MECOM: variants seen among roughly 807,000 people sequenced by gnomAD.
The protein encoded by MECOM is MDS1 and EVI1 complex locus.
Under a neutral mutation model 116.3 loss-of-function variants are expected in MECOM, and 13 were observed. That is an observed-to-expected ratio of 0.11 (90% confidence interval 0.07 to 0.18). The LOEUF is 0.18. Among genes scored for constraint, MECOM ranks in the 10% least tolerant of loss-of-function variants. The pLI is 1.00. For missense variants in MECOM, 1,299 were observed against 1,509.0 expected (o/e 0.86, Z 2.31); for synonymous variants, 528 against 535.2 (o/e 0.99, Z 0.19).
chr3:169,169,473 A>G, intron 2 of MECOM, among the ~76,000 whole-genome samples: 1 of 152,216 alleles, frequency 6.6e-6, no homozygotes, highest in East Asian at 1.9e-4. Context: ...CTTTGCAGAC[A>G]TTCCAGAATC....
intron 2 of MECOM, chr3:169,145,127 G>T: frequency 2.3e-6 from 2 of 886,664 alleles, no homozygotes; most frequent in Non-Finnish European, 3.4e-6. Flanking sequence ...TCGAACATAA[G>T]ATAGGGATAT....
intron 2 of MECOM, among the ~76,000 whole-genome samples, chr3:169,313,516 G>A (rs1373858776): frequency 6.6e-6 from 1 of 152,298 alleles, no homozygotes; most frequent in East Asian, 1.9e-4. Context: ...GGGATCCCAT[G>A]TACATGGAAG....
intron 2 of MECOM, among the ~76,000 whole-genome samples, chr3:169,179,070 C>T (rs1745598919): frequency 1.3e-5 from 2 of 152,024 alleles, no homozygotes; most frequent in Admixed American, 1.3e-4. Context: ...GTTAAAAATC[C>T]CTTTAACATT....
intron 2 of MECOM, among the ~76,000 whole-genome samples, chr3:169,280,298 C>A (rs530900929): frequency 9.9e-5 from 15 of 152,118 alleles, no homozygotes; most frequent in Non-Finnish European, 1.9e-4. Context: ...TTGTGAAATC[C>A]AGGCAAATAT....
chr3:169,632,808 G>A (rs540158188), intron 1 of MECOM, among the ~76,000 whole-genome samples: 24 of 152,260 alleles, frequency 1.6e-4, no homozygotes, highest in Middle Eastern at 3.4e-3. Context: ...TTGATTTTCC[G>A]AGGCCCTATC....
intron 1 of MECOM, among the ~76,000 whole-genome samples, chr3:169,552,632 G>C (rs1761550422): frequency 1.3e-5 from 2 of 152,038 alleles, no homozygotes; most frequent in African/African-American, 4.8e-5. Context: ...ACACAGCCTG[G>C]TCCAAAGCTG....
intron 1 of MECOM, among the ~76,000 whole-genome samples, chr3:169,407,714 G>A (rs1009408371): frequency 1.3e-5 from 2 of 152,154 alleles, no homozygotes; most frequent in Admixed American, 1.3e-4. Context: ...AAAATTAGGA[G>A]AGGAAAGAAA....
intron 2 of MECOM, among the ~76,000 whole-genome samples, chr3:169,185,771 T>A (rs1746620265): frequency 6.6e-6 from 1 of 152,214 alleles, no homozygotes; most frequent in South Asian, 2.1e-4. Flanking sequence ...CACCTCCTAA[T>A]GATGTCTAAC....
chr3:169,608,224 G>A lies in MECOM; in HGVS notation c.37+55112C>T, dbSNP rs140904578. 2.3e-3 allele frequency among the ~76,000 whole-genome samples: 350 copies of A among 152,294 alleles called. 1 individual carries two copies. The highest frequency in any genetic ancestry group is 7.9e-3 in the African/African-American group (328 of 41,576). On this transcript the variant is annotated intron_variant, in intron 1 of 16. Transcript: ENST00000651503. ...ACACCTGCACCAGTGGCCAAGACAGGTGTGACGTGTTTGATCGCTGAGGCC... is the reference window on the plus strand; with the variant it reads ...ACACCTGCACCAGTGGCCAAGACAGATGTGACGTGTTTGATCGCTGAGGCC...
intron 2 of MECOM, among the ~76,000 whole-genome samples, chr3:169,355,811 G>A (rs1341749643): frequency 6.6e-6 from 1 of 151,572 alleles, no homozygotes; most frequent in Non-Finnish European, 1.5e-5. Context: ...ATATAGCAGT[G>A]AAGATTCTCT....
At chr3:169,225,829 C>G (rs776491639) in intron 2 of MECOM, among the ~76,000 whole-genome samples, 2 of 152,136 alleles carry the variant, frequency 1.3e-5, no homozygotes, top group Non-Finnish European at 2.9e-5. Context: ...AGGCTGGTCT[C>G]GAAATCCTGA....
At chr3:169,328,638 G>T (rs147815360) in intron 2 of MECOM, among the ~76,000 whole-genome samples, 21 of 152,218 alleles carry the variant, frequency 1.4e-4, no homozygotes, top group Non-Finnish European at 2.4e-4. Flanking sequence ...ATCACTGAAT[G>T]CAATATGAAT....
Position 169,084,850 on chromosome 3 carries a change from T to C in MECOM, c.*59A>G. ...TGCTCAGCAGTCTTGTAAATAGTCC[T>C]ATATGAAAGAGCCATGCTACTGTTG... On this transcript the variant is annotated 3_prime_UTR_variant, in exon 17 of 17. Transcript: ENST00000651503. The C allele has an allele frequency of 1.2e-6, 2 of 1,604,734 alleles. No homozygotes were observed. Among genetic ancestry groups the C allele is most frequent in the Admixed American group, 3.3e-5 (2 of 59,856 alleles).
At position 169,278,430 on chromosome 3, in the gene MECOM, A is replaced by T. The variant is rs572939060; in HGVS notation, c.375+102757T>A. Among the ~76,000 whole-genome samples the T allele has an allele frequency of 1.8e-4, 27 of 152,380 alleles. No homozygotes were observed. The South Asian group carries it at 5.4e-3, about 30-fold the overall frequency. ...AGTAGTTGAATATAAACTTTAAACC[A>T]CAGTGAATGCAGTAAACCAAATGAA... On this transcript the variant is annotated intron_variant, in intron 2 of 16. Transcript: ENST00000651503.
intron 1 of MECOM, among the ~76,000 whole-genome samples, chr3:169,449,339 T>C (rs2108655682): frequency 6.6e-6 from 1 of 152,292 alleles, no homozygotes; most frequent in South Asian, 2.1e-4. Context: ...AAGCTCAGGT[T>C]ATTTTTTACA....
chr3:169,351,749 A>G (rs1332562284), intron 2 of MECOM, among the ~76,000 whole-genome samples: 1 of 151,746 alleles, frequency 6.6e-6, no homozygotes, highest in East Asian at 1.9e-4. Context: ...AAGCTTTTGA[A>G]GATCTACCAC....
intron 1 of MECOM, among the ~76,000 whole-genome samples, chr3:169,558,284 TAAAA>T (rs982629618): frequency 1.3e-5 from 2 of 152,144 alleles, no homozygotes; most frequent in Non-Finnish European, 1.5e-5. Context: ...ATATGAAAAA[TAAAA>T]GAAATAACTG....
intron 2 of MECOM, among the ~76,000 whole-genome samples, chr3:169,321,464 CG>C (rs2149752422): frequency 6.6e-6 from 1 of 151,960 alleles, no homozygotes; most frequent in East Asian, 1.9e-4. Context: ...CACTTGAGCC[CG>C]GGAAGGTGGA....
chr3:169,565,232 G>A (rs1194221716), intron 1 of MECOM, among the ~76,000 whole-genome samples: 1 of 152,166 alleles, frequency 6.6e-6, no homozygotes, highest in African/African-American at 2.4e-5. Flanking sequence ...AGGGGCAGGG[G>A]AGGCATTTGA....
Sources: gnomAD v4.1 joint callset for allele counts (sites outside exome capture counted in the v4.1 genomes callset) on GRCh38, gnomAD v4.1.1 for gene constraint, MANE v1.5 for transcripts, NCBI Gene and HGNC (gene_info 2026-07-23, HGNC 2026-07-21) for gene names.